DMD: variants seen among roughly 807,000 people sequenced by gnomAD.
The protein encoded by DMD is mutant dystrophin.
A neutral mutation model predicts 330.1 loss-of-function variants in DMD; 63 were observed. The ratio of observed to expected loss-of-function variants is 0.19; its 90% CI spans 0.16 to 0.24. DMD has a LOEUF of 0.24. Among genes scored for constraint, DMD ranks in the 10% least tolerant of loss-of-function variants. The pLI is 1.00. For synonymous variants in DMD, 1,223 were observed against 959.8 expected (o/e 1.27, Z -5.07); for missense variants, 3,344 against 2,684.1 (o/e 1.25, Z -5.43).
chrX:31,504,260 T>C (rs779099378), intron 56 of DMD, among the ~76,000 whole-genome samples: 2 of 110,821 alleles, frequency 1.8e-5, no homozygotes, highest in Non-Finnish European at 3.8e-5. Flanking sequence ...GAAAAATAAA[T>C]GGAAGGAAAA....
At chrX:32,719,900 T>C (rs1044162730) in intron 7 of DMD, among the ~76,000 whole-genome samples, 2 of 110,385 alleles carry the variant, frequency 1.8e-5, no homozygotes, top group Non-Finnish European at 3.8e-5. Context: ...AATACGTTGT[T>C]ATCCCAGCTT....
intron 48 of DMD, among the ~76,000 whole-genome samples, chrX:31,858,995 G>C (rs1603502256): frequency 8.9e-6 from 1 of 111,913 alleles, no homozygotes; most frequent in East Asian, 2.8e-4. Context: ...GTGTTCTTCA[G>C]CAGTAACTCA....
chrX:31,665,722 C>A (rs933359875), intron 53 of DMD, among the ~76,000 whole-genome samples: 3 of 111,949 alleles, frequency 2.7e-5, no homozygotes, highest in Non-Finnish European at 3.8e-5. Flanking sequence ...AAGCTGAGAG[C>A]AGACTAGTAA....
At chrX:32,517,043 T>C (rs2045927377) in intron 18 of DMD, 1 of 111,589 alleles carries the variant, frequency 9.0e-6, no homozygotes, top group Non-Finnish European at 1.9e-5. Flanking sequence ...ATATCTTTTG[T>C]TGATCTCCAA....
At chrX:31,315,050 G>A (rs2055894991) in intron 62 of DMD, among the ~76,000 whole-genome samples, 1 of 112,009 alleles carries the variant, frequency 8.9e-6, no homozygotes, top group East Asian at 2.8e-4. Context: ...CCTTTGTGAA[G>A]GGAACAGGAT....
At chrX:32,712,162 T>C (rs2065245567) in intron 7 of DMD, among the ~76,000 whole-genome samples, 1 of 111,837 alleles carries the variant, frequency 8.9e-6, no homozygotes, top group African/African-American at 3.2e-5. Flanking sequence ...TGTAACTATT[T>C]ATTGGACACT....
chrX:32,780,927 TAAAAATAAAAA>T (rs1204408191), intron 7 of DMD, among the ~76,000 whole-genome samples: 24 of 99,827 alleles, frequency 2.4e-4, no homozygotes, highest in African/African-American at 8.0e-4. Context: ...CCGTCTCTAC[TAAAAATAAAAA>T]AAAAATAAAA....
chrX:33,162,243 T>C (rs950411971), intron 1 of DMD, among the ~76,000 whole-genome samples: 2 of 112,086 alleles, frequency 1.8e-5, no homozygotes, highest in African/African-American at 6.5e-5. Context: ...TGTGGAAACT[T>C]TGAAATTTTC....
chrX:32,779,074 T>C (rs1243396620), intron 7 of DMD, among the ~76,000 whole-genome samples: 2 of 111,874 alleles, frequency 1.8e-5, no homozygotes, highest in Non-Finnish European at 3.8e-5. Flanking sequence ...CACCAATTAT[T>C]TTTGTAAACT....
At chrX:33,233,445 T>A (rs149773740) in intron 1 of DMD, among the ~76,000 whole-genome samples, 2,099 of 111,865 alleles carry the variant, frequency 0.019, 45 homozygotes, top group African/African-American at 0.064. Context: ...CATAAATAAA[T>A]CAGCAACATA....
At position 33,313,430 on chromosome X, in the gene DMD, C is replaced by A. The variant is rs191072644; in HGVS notation, c.7+25829G>T. Among the ~76,000 whole-genome samples, 332 of 111,578 alleles carry A rather than the reference C, an allele frequency of 3.0e-3. 1 individual carries two copies. Among genetic ancestry groups the A allele is most frequent in the African/African-American group, 0.01 (317 of 30,732 alleles). ...AGATCAACTGCTGGACCAAATTGTA[C>A]GTCGAGATTATAATATCCAGGTTTT... On this transcript the variant is annotated intron_variant, in intron 1 of 17. Transcript: ENST00000288447.
chrX:32,125,995 T>A (rs903090496), intron 44 of DMD, among the ~76,000 whole-genome samples: 14 of 112,189 alleles, frequency 1.2e-4, no homozygotes, highest in African/African-American at 4.5e-4. Context: ...AGGGCTCAGA[T>A]GCATATTCAG....
At chrX:32,712,406 C>G (rs1490798139) in intron 7 of DMD, among the ~76,000 whole-genome samples, 3 of 111,435 alleles carry the variant, frequency 2.7e-5, no homozygotes, top group South Asian at 7.5e-4. Flanking sequence ...ATATCTAATT[C>G]TTAAATGTGA....
intron 25 of DMD, among the ~76,000 whole-genome samples, chrX:32,462,984 A>G (rs887137526): frequency 6.3e-5 from 7 of 111,223 alleles, no homozygotes; most frequent in Admixed American, 2.9e-4. Flanking sequence ...ATAAATAATA[A>G]ATGTGTCGAA....
At chrX:32,007,312 T>C (rs1305807530) in intron 44 of DMD, among the ~76,000 whole-genome samples, 3 of 109,124 alleles carry the variant, frequency 2.7e-5, no homozygotes, top group Non-Finnish European at 5.7e-5. Context: ...CAGGAGCAGA[T>C]GTTGAACTTG....
intron 44 of DMD, among the ~76,000 whole-genome samples, chrX:32,141,205 G>A (rs1201999039): frequency 9.2e-6 from 1 of 108,186 alleles, no homozygotes; most frequent in Admixed American, 1.0e-4. Context: ...TCGGGTGGAT[G>A]ACTTGAGGCT....
intron 7 of DMD, among the ~76,000 whole-genome samples, chrX:32,715,309 A>G (rs1382684295): frequency 9.2e-6 from 1 of 108,709 alleles, no homozygotes; most frequent in Middle Eastern, 4.4e-3. Flanking sequence ...AAAGCCAATC[A>G]CTACTAAAAA....
chrX:32,657,892 A>G (rs2060689784), intron 9 of DMD, among the ~76,000 whole-genome samples: 1 of 109,979 alleles, frequency 9.1e-6, no homozygotes, highest in Non-Finnish European at 1.9e-5. Flanking sequence ...TATAAATAGG[A>G]AAAAAATGAT....
intron 11 of DMD, among the ~76,000 whole-genome samples, chrX:32,636,533 C>G (rs1218186644): frequency 8.9e-6 from 1 of 111,993 alleles, no homozygotes; most frequent in Non-Finnish European, 1.9e-5. Flanking sequence ...GTTTTCAAAT[C>G]CTGATCCATT....
Sources: allele counts gnomAD v4.1 joint callset (sites outside exome capture counted in the v4.1 genomes callset), GRCh38; gene constraint gnomAD v4.1.1; transcripts MANE v1.5; gene names NCBI Gene and HGNC (gene_info 2026-07-23, HGNC 2026-07-21).